The following SUGCT variants were observed in gnomAD, a reference collection of about 807,000 sequenced individuals.
The protein encoded by SUGCT is succinyl-CoA:glutarate CoA-transferase.
A neutral mutation model predicts 55.0 loss-of-function variants in SUGCT; 41 were observed. That is an observed-to-expected ratio of 0.74 (90% CI 0.58 to 0.97). The LOEUF (loss-of-function observed/expected upper bound fraction) is 0.97, where lower values mean the gene tolerates loss of function less well. SUGCT is among the 50% of genes least tolerant of loss of function. The pLI is 0.00. For missense variants in SUGCT, 568 were observed against 547.8 expected, an observed-to-expected ratio of 1.04 and a Z score of -0.37; for synonymous variants, 187 against 200.4, an observed-to-expected ratio of 0.93 and a Z score of 0.56.
intron 13 of SUGCT, among the ~76,000 whole-genome samples, chr7:40,789,434 C>T (rs948447139): frequency 2.0e-5 from 3 of 152,142 alleles, no homozygotes; most frequent in Non-Finnish European, 2.9e-5. Flanking sequence ...TGGATTTTCC[C>T]ATCCATCAAA....
chr7:41,011,091 A>C, the SUGCT span, among the ~76,000 whole-genome samples: 1 of 152,230 alleles, frequency 6.6e-6, no homozygotes, highest in Non-Finnish European at 1.5e-5. Flanking sequence ...CTGATTTCTC[A>C]TGCTCGATTC....
rs141095819 is a variant in SUGCT, at chr7:40,251,206, C to T, written c.576+13480C>T. 1.7e-3 allele frequency among the ~76,000 whole-genome samples: 254 copies of T among 152,294 alleles called. 1 individual carries two copies. Among genetic ancestry groups the T allele is most frequent in the African/African-American group, 5.8e-3 (241 of 41,578 alleles). ...CATGTTCTGAGCAATGATTAGCATT[C>T]GAACATTCGTTCCTTCCATCTTCCC... On this transcript the variant is annotated intron_variant, in intron 7 of 13. Coordinates refer to ENST00000335693, the MANE Select transcript of SUGCT (RefSeq NM_001193313.2).
intron 12 of SUGCT, among the ~76,000 whole-genome samples, chr7:40,525,192 G>A (rs1404030731): frequency 2.0e-5 from 3 of 152,092 alleles, no homozygotes; most frequent in African/African-American, 4.8e-5. Context: ...CTATTCTCAC[G>A]TTGGCATTTT....
At chr7:40,957,416 G>A in the SUGCT span, among the ~76,000 whole-genome samples, 1 of 133,928 alleles carries the variant, frequency 7.5e-6, no homozygotes, top group Non-Finnish European at 1.6e-5. Flanking sequence ...TTTAAAGTTG[G>A]TTTTATCAGA....
At chr7:40,285,428 T>C (rs910084496) in intron 8 of SUGCT, among the ~76,000 whole-genome samples, 13 of 151,808 alleles carry the variant, frequency 8.6e-5, no homozygotes, top group Non-Finnish European at 1.8e-4. Context: ...TCTTTGTACT[T>C]TCTCAGGTCA....
chr7:41,030,890 A>G, the SUGCT span, among the ~76,000 whole-genome samples: 1 of 152,154 alleles, frequency 6.6e-6, no homozygotes, highest in African/African-American at 2.4e-5. Flanking sequence ...GAGTGCTGTA[A>G]TGATTACTCA....
At chr7:41,001,141 A>G in the SUGCT span, among the ~76,000 whole-genome samples, 1 of 152,160 alleles carries the variant, frequency 6.6e-6, no homozygotes, top group East Asian at 1.9e-4. Flanking sequence ...GATATTTAAC[A>G]TGATGAGTCT....
intron 12 of SUGCT, among the ~76,000 whole-genome samples, chr7:40,626,367 C>T (rs781489109): frequency 4.8e-4 from 73 of 151,234 alleles, no homozygotes; most frequent in Non-Finnish European, 9.4e-4. Context: ...AGCGATTCTC[C>T]TGCTTCAGCC....
At chr7:40,867,803 T>G in the SUGCT span, among the ~76,000 whole-genome samples, 1 of 152,238 alleles carries the variant, frequency 6.6e-6, no homozygotes, top group Admixed American at 6.5e-5. Flanking sequence ...TGTTGTTTGC[T>G]GTCTTAGTCC....
At chr7:40,206,277 A>G (rs1388099705) in intron 6 of SUGCT, among the ~76,000 whole-genome samples, 1 of 152,196 alleles carries the variant, frequency 6.6e-6, no homozygotes, top group Non-Finnish European at 1.5e-5. Context: ...ATAAAAACAT[A>G]CATGTCAGAT....
intron 9 of SUGCT, among the ~76,000 whole-genome samples, chr7:40,396,242 G>T (rs746716472): frequency 2.6e-5 from 4 of 152,092 alleles, no homozygotes; most frequent in Non-Finnish European, 5.9e-5. Context: ...ACTCTGACAT[G>T]GGGAAGTCAA....
the SUGCT span, among the ~76,000 whole-genome samples, chr7:40,920,691 G>A: frequency 6.6e-6 from 1 of 152,178 alleles, no homozygotes; most frequent in African/African-American, 2.4e-5. Context: ...TTGATTGGCA[G>A]ATCTTCTATT....
chr7:40,512,770 G>C (rs561437119), intron 12 of SUGCT, among the ~76,000 whole-genome samples: 1 of 152,088 alleles, frequency 6.6e-6, no homozygotes, highest in African/African-American at 2.4e-5. Context: ...AAACTGCTGG[G>C]GAAATATGAG....
intron 12 of SUGCT, 96 bp downstream of exon 12, chr7:40,496,482 T>C: frequency 1.2e-6 from 1 of 841,878 alleles, no homozygotes; most frequent in Non-Finnish European, 2.0e-6. Context: ...AGTCACATGA[T>C]GTGAATTTTC....
At chr7:40,655,650 T>C (rs940691317) in intron 12 of SUGCT, among the ~76,000 whole-genome samples, 1 of 152,182 alleles carries the variant, frequency 6.6e-6, no homozygotes, top group Non-Finnish European at 1.5e-5. Context: ...GTCAAGATGA[T>C]CACAATATGT....
chr7:40,171,841 T>C (rs575000309), intron 1 of SUGCT, among the ~76,000 whole-genome samples: 52 of 152,332 alleles, frequency 3.4e-4, no homozygotes, highest in African/African-American at 1.1e-3. Context: ...GACAACAAGG[T>C]AGTATTGGAG....
At chr7:40,529,591 G>A (rs1793980104) in intron 12 of SUGCT, among the ~76,000 whole-genome samples, 1 of 152,212 alleles carries the variant, frequency 6.6e-6, no homozygotes, top group Non-Finnish European at 1.5e-5. Flanking sequence ...GAACCCAGAG[G>A]AGAGAGGAAC....
chr7:40,949,911 T>C, the SUGCT span, among the ~76,000 whole-genome samples: 2 of 152,230 alleles, frequency 1.3e-5, no homozygotes, highest in African/African-American at 4.8e-5. Flanking sequence ...CTTTGTTCTT[T>C]TGGCTTAGGA....
At chr7:40,406,085 AG>A (rs2151331260) in intron 9 of SUGCT, among the ~76,000 whole-genome samples, 1 of 152,192 alleles carries the variant, frequency 6.6e-6, no homozygotes, top group African/African-American at 2.4e-5. Flanking sequence ...GTAGTTTGAT[AG>A]GCAGGTGGCT....
Sources: gnomAD v4.1 joint callset for allele counts (sites outside exome capture counted in the v4.1 genomes callset) on GRCh38, gnomAD v4.1.1 for gene constraint, MANE v1.5 for transcripts, NCBI Gene and HGNC (gene_info 2026-07-23, HGNC 2026-07-21) for gene names.